MYH7: variants seen among roughly 807,000 people sequenced by gnomAD.
MYH7 encodes the protein myosin-7.
Under a neutral mutation model 225.4 loss-of-function variants are expected in MYH7, and 129 were observed. The observed-to-expected ratio is 0.57, with a 90% CI of 0.50 to 0.66. The LOEUF is 0.66. MYH7 is among the 30% of genes least tolerant of loss of function. The pLI is 0.00. For synonymous variants in MYH7, 971 were observed against 1,007.6 expected (o/e 0.96, Z 0.69); for missense variants, 1,649 against 2,517.0 (o/e 0.66, Z 7.38).
chr14:23,430,048 T>C, intron 11 of MYH7, 135 bp from the exon 12 acceptor site: 1 of 1,051,044 alleles, frequency 9.5e-7, no homozygotes, highest in Non-Finnish European at 1.4e-6. Flanking sequence ...AGTGGGGAGC[T>C]CCAAAACAAA....
At position 23,417,154 on chromosome 14, in the gene MYH7, C is replaced by A. The variant is rs1381038165; in HGVS notation, c.4518G>T (p.Gln1506His). ...ETFKRENKNL[Q>H]EEISDLTEQL... ...CAGCCTCTTGGGCCCCCAGCACACC[C>A]TGCAGGTTTTTGTTCTCCCGCTTGA... The change falls in exon 32 of 40, where the codon CAG becomes CAT. Residue 1506 changes from glutamine to histidine, a missense_variant and splice_region_variant. This residue lies in a region of MYH7 where 687 missense variants were observed against 913.8 expected (regional missense o/e 0.75). Transcript: ENST00000355349. 6.2e-7 allele frequency: 1 copy of A among 1,614,178 alleles called. No homozygotes were observed. The highest frequency in any genetic ancestry group is 8.5e-7 in the Non-Finnish European group (1 of 1,180,026).
At chr14:23,427,920 T>G (rs1566534271) in intron 15 of MYH7, 26 bp from the exon 16 acceptor site, 1 of 1,613,074 alleles carries the variant, frequency 6.2e-7, no homozygotes, top group East Asian at 2.2e-5. Flanking sequence ...AGAGCATCAC[T>G]GAGTGTCCTT....
intron 1 of MYH7, among the ~76,000 whole-genome samples, chr14:23,434,494 C>T (rs75208264): frequency 0.018 from 2,709 of 152,328 alleles, 39 homozygotes; most frequent in Non-Finnish European, 0.029. Context: ...TTCACTCCTG[C>T]GAGATGGTCC....
chr14:23,427,378 C>A, intron 16 of MYH7, 71 bp from the exon 17 acceptor site: 1 of 1,570,464 alleles, frequency 6.4e-7, no homozygotes, highest in Non-Finnish European at 8.8e-7. Flanking sequence ...AATCACAGCC[C>A]CTCTTTACAT....
chr14:23,429,744 A>C (rs977721761), intron 12 of MYH7, 31 bp downstream of exon 12: 6 of 1,609,858 alleles, frequency 3.7e-6, no homozygotes, highest in Non-Finnish European at 5.1e-6. Context: ...CCATGACTTG[A>C]CAGCTGCCCC....
intron 37 of MYH7, 94 bp downstream of exon 37, chr14:23,414,901 G>A (rs2138637645): frequency 6.3e-7 from 1 of 1,588,566 alleles, no homozygotes; most frequent in African/African-American, 1.3e-5. Context: ...TCCTCGCCCT[G>A]GAAGAGGCTA....
chr14:23,415,619 A>T lies in MYH7; in HGVS notation c.5157+10T>A, dbSNP rs1208157711. 3 of 1,613,590 alleles carry T rather than the reference A, an allele frequency of 1.9e-6. No homozygotes were observed. The highest frequency in any genetic ancestry group is 2.5e-6 in the Non-Finnish European group (3 of 1,180,004). The stretch of plus-strand genomic sequence containing the variant: ...TGCTCCCTTCAGGAATGAGCAGGGG[A>T]GCTGCTCACCTGGGAATGCAGCAGC... On this transcript the variant is annotated intron_variant, in intron 35 of 39. Transcript: ENST00000355349. The surrounding 1 kb of genome is among the most constrained non-coding windows in gnomAD (Gnocchi z 6.3).
Position 23,413,788 on chromosome 14 carries a change from G to T in MYH7, c.5761C>A (p.Arg1921=), listed in dbSNP as rs539290591. The T allele has an allele frequency of 8.7e-6, 14 of 1,614,222 alleles. No individual in the cohort carries two copies. In the African/African-American group the frequency reaches 1.1e-4, roughly 12 times the overall value. The stretch of plus-strand genomic sequence containing the variant: ...GTGCCAATGTCACGGCTCTTGGCCC[G>T]CAGCTTGTTGACCTGGGACTCGGCG... ...DIAESQVNKL[R]AKSRDIGTKG... Residue 1921 remains arginine, a synonymous_variant, in exon 39 of 40, where the codon CGG becomes AGG. Coordinates refer to ENST00000355349, the MANE Select transcript of MYH7 (RefSeq NM_000257.4).
chr14:23,429,999 G>A (rs1566536043), intron 11 of MYH7, 86 bp from the exon 12 acceptor site: 1 of 1,518,198 alleles, frequency 6.6e-7, no homozygotes, highest in Non-Finnish European at 9.0e-7. Flanking sequence ...GAGAAAACTT[G>A]TCTCCTTAAT....
chr14:23,425,601 G>C lies in MYH7; in HGVS notation c.2286+94C>G. On this transcript the variant is annotated intron_variant, in intron 20 of 39. Transcript: ENST00000355349. The surrounding 1 kb of genome is among the most constrained non-coding windows in gnomAD (Gnocchi z 4.6). ...ACTGGGAGGGGTAGCATACAGGTAA[G>C]AGATTTTGCTAAGATGATTACAACA... 4 of 1,604,066 alleles carry C rather than the reference G, an allele frequency of 2.5e-6. No individual in the cohort carries two copies. The highest frequency in any genetic ancestry group is 1.7e-4 in the Middle Eastern group (1 of 6,044).
chr14:23,412,843 A>G lies in MYH7; in HGVS notation c.*11T>C, dbSNP rs760023074. 5 of 1,614,098 alleles carry G rather than the reference A, an allele frequency of 3.1e-6. No homozygotes were observed. Among genetic ancestry groups the G allele is most frequent in the Non-Finnish European group, 4.2e-6 (5 of 1,179,970 alleles). On this transcript the variant is annotated 3_prime_UTR_variant, in exon 40 of 40. Coordinates refer to ENST00000355349, the MANE Select transcript of MYH7 (RefSeq NM_000257.4). ...CACCTCCAGGGCTGAGCAGATCAAG[A>G]TGTGGCAAAGCTACTCCTCATTCAA...
intron 26 of MYH7, 145 bp downstream of exon 26, chr14:23,420,813 G>A: frequency 1.4e-6 from 1 of 703,008 alleles, no homozygotes; most frequent in South Asian, 1.5e-5. Context: ...TGTATCCATG[G>A]GCACACTGTG....
intron 14 of MYH7, 105 bp downstream of exon 14, chr14:23,428,850 C>T (rs1892804058): frequency 4.4e-6 from 7 of 1,590,596 alleles, no homozygotes; most frequent in Non-Finnish European, 6.0e-6. Context: ...CACACAGTCC[C>T]CACTGCCTTC....
rs373043783 is a variant in MYH7, at chr14:23,428,951, T to G, written c.1407+4A>C. ...TTCTCCCACTCCCAGGGGTCCCAAC[T>G]CACATCGAAGATCTCGAAGCCAGCG... On this transcript the variant is annotated splice_donor_region_variant and intron_variant, in intron 14 of 39. Coordinates refer to ENST00000355349, the MANE Select transcript of MYH7 (RefSeq NM_000257.4). The G allele has an allele frequency of 2.7e-5, 43 of 1,614,062 alleles. No homozygotes were observed. Among genetic ancestry groups the G allele is most frequent in the Non-Finnish European group, 2.5e-5 (30 of 1,180,056 alleles).
rs267606910 is a variant in MYH7, at chr14:23,431,589, C to T, written c.728G>A (p.Arg243His). The T allele has an allele frequency of 1.2e-6, 2 of 1,614,246 alleles. No homozygotes were observed. The highest frequency in any genetic ancestry group is 1.7e-6 in the Non-Finnish European group (2 of 1,180,038). ...CCAAGGTCAGGGACCACTCACGAAGCGGGAGGAGTTGTCGTTCCGGACGGT... is the reference window on the plus strand; with the variant it reads ...CCAAGGTCAGGGACCACTCACGAAGTGGGAGGAGTTGTCGTTCCGGACGGT... ...AKTVRNDNSS[R>H]FGKFIRIHFG... Residue 243 changes from arginine (R) to histidine (H), a missense_variant, in exon 8 of 40, where the codon CGC becomes CAC. Arg to His is a conservative substitution (Grantham distance 29, BLOSUM62 0). Transcript: ENST00000355349.
In MYH7 at chr14:23,433,338, C is replaced by G. The variant is rs1380001678; in HGVS notation, c.202-111G>C. The G allele has an allele frequency of 2.0e-6, 3 of 1,515,804 alleles. No individual in the cohort carries two copies. Among genetic ancestry groups the G allele is most frequent in the Admixed American group, 3.6e-5 (2 of 55,048 alleles). The allele number at this position is 1,515,804 out of a possible 1,614,324, so 93.9% of individuals were successfully genotyped here. A position where few individuals can be genotyped will look rare whatever the true frequency, so the allele number is the denominator to read the frequency against. On this transcript the variant is annotated intron_variant, in intron 3 of 39. Transcript: ENST00000355349. The surrounding 1 kb of genome is among the most constrained non-coding windows in gnomAD (Gnocchi z 4.1). ...CAATAGTGCTCAAGAGAGAAGGAAC[C>G]AGGATCTCACAGGGAAGACAGAAGG...
At chr14:23,412,893 C>T (rs894408777) in intron 39 of MYH7, 22 bp from the exon 40 acceptor site, 5 of 1,613,284 alleles carry the variant, frequency 3.1e-6, no homozygotes, top group Non-Finnish European at 4.2e-6. Flanking sequence ...AAACAAAGTC[C>T]AATCAGTCCT....
chr14:23,426,998 G>A (rs2754161), intron 17 of MYH7, 134 bp from the exon 18 acceptor site: 1 of 896,988 alleles, frequency 1.1e-6, no homozygotes, highest in Non-Finnish European at 1.8e-6. Flanking sequence ...GGCCCTGGGG[G>A]CAGACAGGGA....
At chr14:23,434,301 G>C in intron 1 of MYH7, 52 bp from the exon 2 acceptor site, 1 of 988,666 alleles carries the variant, frequency 1.0e-6, no homozygotes, top group Non-Finnish European at 1.2e-6. Flanking sequence ...AACCTGACCA[G>C]TCCCACCTTC....
Sources: allele counts gnomAD v4.1 joint callset (sites outside exome capture counted in the v4.1 genomes callset), GRCh38; gene constraint gnomAD v4.1.1; regional missense constraint gnomAD v4.1.1; non-coding constraint Gnocchi (gnomAD v3.1); transcripts MANE v1.5; gene names NCBI Gene and HGNC (gene_info 2026-07-23, HGNC 2026-07-21).